CPPED1: variants seen among roughly 807,000 people sequenced by gnomAD.
CPPED1 encodes the protein calcineurin like phosphoesterase domain containing 1, also known as serine/threonine-protein phosphatase CPPED1.
In CPPED1, 28 loss-of-function variants were observed where a neutral mutation model predicts 28.0. The observed-to-expected ratio is 1.00, with a 90% CI of 0.74 to 1.37. The LOEUF (loss-of-function observed/expected upper bound fraction) is 1.37, where lower values mean the gene tolerates loss of function less well. CPPED1 is among the 40% of genes most tolerant of loss of function. CPPED1 has a pLI of 0.00. For synonymous variants in CPPED1, 198 were observed against 180.2 expected, an observed-to-expected ratio of 1.10 and a Z score of -0.79; for missense variants, 504 against 416.5, an observed-to-expected ratio of 1.21 and a Z score of -1.83.
At chr16:12,770,980 G>A (rs1208772865) in intron 2 of CPPED1, among the ~76,000 whole-genome samples, 2 of 152,068 alleles carry the variant, frequency 1.3e-5, no homozygotes, top group Admixed American at 6.6e-5. Context: ...CACTTAGGGG[G>A]TGGTCAAAGT....
intron 2 of CPPED1, chr16:12,753,901 T>A (rs2080347503): frequency 6.6e-6 from 1 of 152,148 alleles, no homozygotes; most frequent in Non-Finnish European, 1.5e-5. Context: ...CCTGTGTGGC[T>A]TGGGGAGAAC....
chr16:12,666,966 G>A (rs190847131), intron 3 of CPPED1, among the ~76,000 whole-genome samples: 5 of 152,068 alleles, frequency 3.3e-5, no homozygotes, highest in Admixed American at 3.3e-4. Context: ...GAAGGAAGGA[G>A]AGACACAGGT....
intron 2 of CPPED1, among the ~76,000 whole-genome samples, chr16:12,720,768 G>A (rs749022854): frequency 2.6e-5 from 4 of 152,180 alleles, no homozygotes; most frequent in African/African-American, 7.2e-5. Context: ...GTGCGCCATC[G>A]TGCCCAGCCC....
At chr16:12,689,889 G>C (rs1596446985) in intron 3 of CPPED1, among the ~76,000 whole-genome samples, 1 of 152,084 alleles carries the variant, frequency 6.6e-6, no homozygotes, top group East Asian at 1.9e-4. Flanking sequence ...ATTTTTTTCA[G>C]ACCATTTACT....
At chr16:12,688,565 C>T (rs192868822) in intron 3 of CPPED1, among the ~76,000 whole-genome samples, 45 of 152,158 alleles carry the variant, frequency 3.0e-4, no homozygotes, top group Non-Finnish European at 3.5e-4. Flanking sequence ...TCTCGAACTC[C>T]GACCTCAGGT....
intron 3 of CPPED1, among the ~76,000 whole-genome samples, chr16:12,690,497 G>A (rs1375659005): frequency 6.7e-6 from 1 of 149,000 alleles, no homozygotes; most frequent in Non-Finnish European, 1.5e-5. Flanking sequence ...CTGGGCAATA[G>A]CGCAAGACTC....
chr16:12,718,598 GA>G (rs2080120569), intron 2 of CPPED1, among the ~76,000 whole-genome samples: 1 of 151,408 alleles, frequency 6.6e-6, no homozygotes, highest in African/African-American at 2.4e-5. Context: ...TTGTTGGTGA[GA>G]GCATGGGGAT....
Position 12,664,862 on chromosome 16 carries a change from AGTGAAC to A in CPPED1, c.*18_*23del. ...AAATAAAAAAATAGTGCAAGTGAAA[AGTGAAC>A]GGGAACGGGAAGGAGCGTCATTTTT... On this transcript the variant is annotated 3_prime_UTR_variant, in exon 4 of 4. Coordinates refer to ENST00000381774, the MANE Select transcript of CPPED1 (RefSeq NM_018340.3). This position sits in a 1 kb window ranked among gnomAD's most constrained non-coding sequence, Gnocchi z 4.2. 4 of 1,609,570 alleles carry A rather than the reference AGTGAAC, an allele frequency of 2.5e-6. No individual in the cohort carries two copies. Among genetic ancestry groups the A allele is most frequent in the Non-Finnish European group, 3.4e-6 (4 of 1,178,688 alleles).
intron 3 of CPPED1, among the ~76,000 whole-genome samples, chr16:12,688,626 C>T (rs865910680): frequency 2.0e-5 from 3 of 152,148 alleles, no homozygotes; most frequent in South Asian, 2.1e-4. Flanking sequence ...CCTGATTCAT[C>T]GCGCCCAGCC....
At chr16:12,701,866 C>T (rs902422918) in intron 3 of CPPED1, among the ~76,000 whole-genome samples, 8 of 152,264 alleles carry the variant, frequency 5.3e-5, no homozygotes, top group South Asian at 2.1e-4. Flanking sequence ...CGAGCTCCTC[C>T]GGAGATGGAG....
intron 1 of CPPED1, among the ~76,000 whole-genome samples, chr16:12,799,962 A>G (rs16960714): frequency 0.32 from 49,305 of 151,928 alleles, 11,172 homozygotes; most frequent in African/African-American, 0.64. Context: ...TAGATTTATC[A>G]TCAAGTCTCT....
chr16:12,664,297 T>C lies in CPPED1; in HGVS notation c.*589A>G. 3 of 918,130 alleles carry C rather than the reference T, an allele frequency of 3.3e-6. No homozygotes were observed. Among genetic ancestry groups the C allele is most frequent in the Non-Finnish European group, 3.9e-6 (3 of 768,350 alleles). The allele number at this position is 918,130 out of a possible 1,614,324, so 56.9% of individuals were successfully genotyped here. ...GCTCCGAGCTGTATCAACTGCATTC[T>C]GTTCCTATCATCAGAAGTCTCAGAA... On this transcript the variant is annotated 3_prime_UTR_variant, in exon 4 of 4. Coordinates refer to ENST00000381774, the MANE Select transcript of CPPED1 (RefSeq NM_018340.3). The surrounding 1 kb of genome is among the most constrained non-coding windows in gnomAD (Gnocchi z 4.2).
chr16:12,734,057 CG>C (rs1273316075), intron 2 of CPPED1, among the ~76,000 whole-genome samples: 4 of 102,988 alleles, frequency 3.9e-5, no homozygotes, highest in Non-Finnish European at 5.5e-5. Context: ...TCAAATTACA[CG>C]TTTTTTTTTT....
At chr16:12,785,526 C>T (rs2080557581) in intron 1 of CPPED1, among the ~76,000 whole-genome samples, 4 of 151,512 alleles carry the variant, frequency 2.6e-5, no homozygotes, top group Admixed American at 2.6e-4. Flanking sequence ...CTCCCAAGCT[C>T]AAGTGATTCT....
At chr16:12,751,603 G>T (rs1299863915) in intron 2 of CPPED1, among the ~76,000 whole-genome samples, 7 of 152,114 alleles carry the variant, frequency 4.6e-5, no homozygotes, top group African/African-American at 1.7e-4. Context: ...GGAAGTCCCG[G>T]GTCCCAGGAA....
At chr16:12,766,583 T>C (rs558960245) in intron 2 of CPPED1, among the ~76,000 whole-genome samples, 20 of 152,128 alleles carry the variant, frequency 1.3e-4, no homozygotes, top group African/African-American at 3.4e-4. Context: ...GGAAGTACAA[T>C]TCAAGATGAG....
intron 3 of CPPED1, among the ~76,000 whole-genome samples, chr16:12,676,713 C>T (rs1025158281): frequency 3.3e-5 from 5 of 152,062 alleles, no homozygotes; most frequent in Non-Finnish European, 7.4e-5. Context: ...GTTCTCTGCT[C>T]ATGTCTGACC....
chr16:12,759,861 T>A (rs149446826), intron 2 of CPPED1, among the ~76,000 whole-genome samples: 1 of 152,240 alleles, frequency 6.6e-6, no homozygotes, highest in Non-Finnish European at 1.5e-5. Context: ...ATTAAACCCG[T>A]ATCAGGTGGT....
At chr16:12,782,038 G>A (rs2080534735) in intron 1 of CPPED1, among the ~76,000 whole-genome samples, 2 of 152,140 alleles carry the variant, frequency 1.3e-5, no homozygotes. Context: ...GGGCATCCGT[G>A]AGGTGTGAGG....
Sources: gnomAD v4.1 joint callset for allele counts (sites outside exome capture counted in the v4.1 genomes callset) on GRCh38, gnomAD v4.1.1 for gene constraint, Gnocchi (gnomAD v3.1) non-coding constraint, MANE v1.5 for transcripts, NCBI Gene and HGNC (gene_info 2026-07-23, HGNC 2026-07-21) for gene names.